Variants in GRM7 observed in about 807,000 individuals in gnomAD.
GRM7 encodes the protein glutamate metabotropic receptor 7, also known as metabotropic glutamate receptor 7.
Under a neutral mutation model 84.5 loss-of-function variants are expected in GRM7, and 35 were observed. The ratio of observed to expected loss-of-function variants is 0.41; its 90% CI spans 0.32 to 0.55. The LOEUF is 0.55. Among genes scored for constraint, GRM7 ranks in the 20% least tolerant of loss-of-function variants. GRM7 has a pLI of 0.19. For synonymous variants in GRM7, 487 were observed against 455.1 expected, an observed-to-expected ratio of 1.07 and a Z score of -0.89; for missense variants, 1,003 against 1,194.6, an observed-to-expected ratio of 0.84 and a Z score of 2.36.
chr3:7,146,385 A>G (rs3749449), intron 1 of GRM7, 67 bp from the exon 2 acceptor site: 237,514 of 1,191,668 alleles, frequency 0.2, 26,158 homozygotes, highest in African/African-American at 0.39. Context: ...GTAAACTGTC[A>G]TAAGTATAAA....
At chr3:7,337,926 T>G (rs1381137292) in intron 4 of GRM7, among the ~76,000 whole-genome samples, 1 of 151,766 alleles carries the variant, frequency 6.6e-6, no homozygotes, top group East Asian at 1.9e-4. Context: ...GAAGAAGTCA[T>G]TATATGAAAA....
At chr3:7,638,015 A>G (rs1447141542) in intron 8 of GRM7, among the ~76,000 whole-genome samples, 1 of 152,180 alleles carries the variant, frequency 6.6e-6, no homozygotes, top group Non-Finnish European at 1.5e-5. Context: ...AATTTCTATA[A>G]TTTCTCTCTG....
At chr3:7,173,886 C>T (rs796339108) in intron 2 of GRM7, among the ~76,000 whole-genome samples, 37 of 152,310 alleles carry the variant, frequency 2.4e-4, no homozygotes, top group African/African-American at 8.4e-4. Flanking sequence ...GCCATTAAGA[C>T]ATTTTTTATT....
chr3:7,409,371 A>T (rs903860496), intron 4 of GRM7, among the ~76,000 whole-genome samples: 2 of 151,274 alleles, frequency 1.3e-5, no homozygotes, highest in Non-Finnish European at 2.9e-5. Context: ...TTTTCCTGAA[A>T]GACAAAAGCC....
intron 8 of GRM7, among the ~76,000 whole-genome samples, chr3:7,615,267 T>G (rs963543611): frequency 3.3e-5 from 5 of 151,682 alleles, no homozygotes; most frequent in African/African-American, 9.8e-5. Context: ...TTATGAGTTT[T>G]GGAAATTCTC....
intron 8 of GRM7, among the ~76,000 whole-genome samples, chr3:7,580,907 A>C (rs928303112): frequency 1.3e-5 from 2 of 152,112 alleles, no homozygotes; most frequent in Non-Finnish European, 2.9e-5. Flanking sequence ...AAAATCCCCA[A>C]ATATGTGCTC....
chr3:6,963,161 C>A (rs1400587265), intron 1 of GRM7, among the ~76,000 whole-genome samples: 8 of 152,166 alleles, frequency 5.3e-5, no homozygotes, highest in Non-Finnish European at 1.5e-5. Context: ...GTGGGTATAA[C>A]TGCTGCTTCA....
intron 2 of GRM7, among the ~76,000 whole-genome samples, chr3:7,230,472 A>G (rs573275357): frequency 6.6e-6 from 1 of 152,344 alleles, no homozygotes. Flanking sequence ...GAATACGCCC[A>G]TAACTGTTTC....
rs192215442 is a variant in GRM7, at chr3:7,264,761, C to A, written c.737-33923C>A. ...TTTCATTTCCTAGCTTCCAGGGTGT[C>A]CTGGCATCCTCTCTATGGTATCTTC... is the stretch of plus-strand genomic sequence containing the variant. On this transcript the variant is annotated intron_variant, in intron 2 of 9. Transcript: ENST00000357716. Among the ~76,000 whole-genome samples, 616 of 151,074 alleles carry A rather than the reference C, an allele frequency of 4.1e-3. 11 individuals are homozygous for A. Among genetic ancestry groups the A allele is most frequent in the Non-Finnish European group, 1.9e-3 (130 of 67,894 alleles).
intron 7 of GRM7, among the ~76,000 whole-genome samples, chr3:7,469,887 A>G (rs1223738385): frequency 6.6e-6 from 1 of 152,182 alleles, no homozygotes; most frequent in Non-Finnish European, 1.5e-5. Context: ...CGAGACCCCA[A>G]ACTGATTACA....
At chr3:6,891,134 G>A (rs531659403) in intron 1 of GRM7, among the ~76,000 whole-genome samples, 15 of 152,194 alleles carry the variant, frequency 9.9e-5, no homozygotes, top group South Asian at 8.3e-4. Context: ...GTCTCTGCAC[G>A]TGAGATGGGT....
chr3:7,704,672 T>C (rs1266516803), intron 9 of GRM7, among the ~76,000 whole-genome samples: 2 of 152,160 alleles, frequency 1.3e-5, no homozygotes, highest in Admixed American at 6.5e-5. Flanking sequence ...TCAGTTACAA[T>C]AGAAAGAAGT....
chr3:7,346,487 C>T (rs1240467139), intron 4 of GRM7, among the ~76,000 whole-genome samples: 1 of 152,068 alleles, frequency 6.6e-6, no homozygotes, highest in Non-Finnish European at 1.5e-5. Context: ...TGTGATTTCT[C>T]CAGTGAATCA....
intron 1 of GRM7, among the ~76,000 whole-genome samples, chr3:7,008,844 T>C (rs1695270839): frequency 6.6e-6 from 1 of 152,166 alleles, no homozygotes. Context: ...TGAATGAGAC[T>C]CGAATTCTGT....
At chr3:6,947,926 C>T (rs1464278323) in intron 1 of GRM7, among the ~76,000 whole-genome samples, 5 of 152,006 alleles carry the variant, frequency 3.3e-5, no homozygotes, top group African/African-American at 4.8e-5. Flanking sequence ...TTTATTGCAT[C>T]GATTTGATTC....
At chr3:7,543,363 G>C (rs998517627) in intron 7 of GRM7, among the ~76,000 whole-genome samples, 3 of 152,194 alleles carry the variant, frequency 2.0e-5, no homozygotes, top group African/African-American at 7.2e-5. Context: ...ACAATGAGGG[G>C]AATATTTGGC....
At chr3:6,993,715 A>G (rs935882601) in intron 1 of GRM7, among the ~76,000 whole-genome samples, 2 of 152,222 alleles carry the variant, frequency 1.3e-5, no homozygotes, top group African/African-American at 4.8e-5. Context: ...TGTTGGTCTG[A>G]AAAGGATGTT....
At position 7,649,212 on chromosome 3, in the gene GRM7, G is replaced by GGT. The variant is rs1205217123; in HGVS notation, c.2452-30836_2452-30835insTG. Among the ~76,000 whole-genome samples, 15 of 151,896 alleles carry GGT rather than the reference G, an allele frequency of 9.9e-5. 1 individual carries two copies. Among genetic ancestry groups the GGT allele is most frequent in the Admixed American group, 3.3e-4 (5 of 15,242 alleles). ...AGCCTCCCGAGTAGCTGGGACTACA[G>GGT]GCACCCACTACCACGCCCGGCTAAT... is the stretch of plus-strand genomic sequence containing the variant. On this transcript the variant is annotated intron_variant, in intron 8 of 9. Transcript: ENST00000357716.
intron 5 of GRM7, among the ~76,000 whole-genome samples, chr3:7,440,424 A>G (rs932813466): frequency 6.6e-6 from 1 of 152,208 alleles, no homozygotes; most frequent in Admixed American, 6.5e-5. Context: ...TCCTATTTAC[A>G]GTTGCAATCA....
Sources: allele counts gnomAD v4.1 joint callset (sites outside exome capture counted in the v4.1 genomes callset), GRCh38; gene constraint gnomAD v4.1.1; transcripts MANE v1.5; gene names NCBI Gene and HGNC (gene_info 2026-07-23, HGNC 2026-07-21).